Variants in RAB3C observed in about 807,000 individuals in gnomAD.
RAB3C encodes ras-related protein Rab-3C.
In RAB3C, 17 loss-of-function variants were observed where a neutral mutation model predicts 26.4. The observed-to-expected ratio is 0.64, with a 90% confidence interval of 0.44 to 0.97. RAB3C has a LOEUF of 0.97. Ranked by LOEUF, RAB3C falls within the 50% of genes least tolerant of loss-of-function variation. The pLI, the probability that RAB3C is intolerant of heterozygous loss-of-function variation, is 0.00. For synonymous variants in RAB3C, 91 were observed against 95.9 expected, an observed-to-expected ratio of 0.95 and a Z score of 0.30; for missense variants, 242 against 281.9, an observed-to-expected ratio of 0.86 and a Z score of 1.01.
chr5:58,846,480 G>A (rs1744007850), intron 4 of RAB3C, among the ~76,000 whole-genome samples: 1 of 152,152 alleles, frequency 6.6e-6, no homozygotes, highest in South Asian at 2.1e-4. Context: ...CCCAGGCTCA[G>A]TGGTCCTCCC....
intron 2 of RAB3C, among the ~76,000 whole-genome samples, chr5:58,650,174 A>G (rs911129993): frequency 1.3e-5 from 2 of 152,182 alleles, no homozygotes; most frequent in African/African-American, 4.8e-5. Context: ...CCTTTTAAAT[A>G]AATAAACATT....
chr5:58,740,379 T>A (rs1325760714), intron 3 of RAB3C, among the ~76,000 whole-genome samples: 1 of 152,196 alleles, frequency 6.6e-6, no homozygotes, highest in Non-Finnish European at 1.5e-5. Context: ...GGCTCTTACG[T>A]CTTCAAAGCA....
chr5:58,619,109 T>A (rs548589065), intron 2 of RAB3C, among the ~76,000 whole-genome samples: 1 of 152,306 alleles, frequency 6.6e-6, no homozygotes, highest in Non-Finnish European at 1.5e-5. Context: ...GAGGCAGGTA[T>A]ATACACAGAC....
Position 58,590,853 on chromosome 5 carries a change from A to G in RAB3C, c.24+7621A>G, listed in dbSNP as rs1000241893. 2.0e-5 allele frequency among the ~76,000 whole-genome samples: 3 copies of G among 152,250 alleles called. No homozygotes were observed. The East Asian group carries it at 5.8e-4, about 29-fold the overall frequency. On this transcript the variant is annotated intron_variant, in intron 1 of 4. Coordinates refer to ENST00000282878, the MANE Select transcript of RAB3C (RefSeq NM_138453.4). ...AGCCACTGTGCCTGTCAGGTCACTG[A>G]TTTTAAATATTTCTTTTCTGCTAAT...
chr5:58,831,249 T>C (rs1204834933), intron 4 of RAB3C, among the ~76,000 whole-genome samples: 1 of 152,206 alleles, frequency 6.6e-6, no homozygotes, highest in Middle Eastern at 3.2e-3. Context: ...CATATGTAGC[T>C]GGTAAACCTA....
rs1743412116 is a variant in RAB3C at position 58,823,960 on chromosome 5, G to A, written c.372-1078G>A. ...CTCATTGTTCAATTCCCACCTGTGA[G>A]TGAGAACATGCGGTGTTTGGTTTTT... On this transcript the variant is annotated intron_variant, in intron 3 of 4. Transcript: ENST00000282878. 2.0e-5 allele frequency among the ~76,000 whole-genome samples: 3 copies of A among 147,756 alleles called. No homozygotes were observed. In the South Asian group the frequency reaches 6.4e-4, roughly 32 times the overall value.
In RAB3C at chr5:58,615,905, A is replaced by G. The variant is rs529366061; in HGVS notation, c.25-1738A>G. On this transcript the variant is annotated intron_variant, in intron 1 of 4. Coordinates refer to ENST00000282878, the MANE Select transcript of RAB3C (RefSeq NM_138453.4). ...TATCTTGCTGGCATTAAGTATTTGT[A>G]GAAGAGAAATACACAATCTCACCAT... Among the ~76,000 whole-genome samples, 5 of 152,152 alleles carry G rather than the reference A, an allele frequency of 3.3e-5. No homozygotes were observed. In the South Asian group the frequency reaches 1.0e-3, roughly 32 times the overall value.
intron 1 of RAB3C, among the ~76,000 whole-genome samples, chr5:58,593,815 C>G (rs1028078254): frequency 2.6e-5 from 4 of 152,148 alleles, no homozygotes; most frequent in African/African-American, 9.7e-5. Flanking sequence ...TATTCTAGGT[C>G]TTCAGTCCTC....
At chr5:58,729,621 A>G (rs72760302) in intron 3 of RAB3C, among the ~76,000 whole-genome samples, 18,625 of 149,002 alleles carry the variant, frequency 0.12, 1,514 homozygotes, top group Non-Finnish European at 0.18. Context: ...TAAAATATAC[A>G]TTATATATAA....
chr5:58,762,670 G>A (rs1054115015), intron 3 of RAB3C, among the ~76,000 whole-genome samples: 45 of 152,230 alleles, frequency 3.0e-4, no homozygotes, highest in African/African-American at 1.0e-3. Context: ...CAGCCTGGGC[G>A]ACAAGAGTGA....
At chr5:58,817,003 A>G (rs1035222957) in intron 3 of RAB3C, 2 of 152,206 alleles carry the variant, frequency 1.3e-5, no homozygotes, top group African/African-American at 2.4e-5. Context: ...GCTCTTCCCA[A>G]GATGAAGAAT....
At chr5:58,755,625 G>A (rs1579901080) in intron 3 of RAB3C, among the ~76,000 whole-genome samples, 1 of 152,324 alleles carries the variant, frequency 6.6e-6, no homozygotes, top group African/African-American at 2.4e-5. Context: ...AATGGCTGCT[G>A]CCAGGGCTTG....
intron 3 of RAB3C, among the ~76,000 whole-genome samples, chr5:58,790,671 T>C (rs1742504461): frequency 6.6e-6 from 1 of 152,186 alleles, no homozygotes; most frequent in Non-Finnish European, 1.5e-5. Context: ...GCAAGGGTAT[T>C]GCACTTTTTC....
chr5:58,644,099 C>T (rs750210422), intron 2 of RAB3C, among the ~76,000 whole-genome samples: 8 of 152,140 alleles, frequency 5.3e-5, no homozygotes, highest in Non-Finnish European at 1.2e-4. Context: ...GAATTACAGG[C>T]GTGAACCACT....
chr5:58,690,020 A>G (rs895063943), intron 2 of RAB3C, among the ~76,000 whole-genome samples: 1 of 152,122 alleles, frequency 6.6e-6, no homozygotes, highest in Non-Finnish European at 1.5e-5. Flanking sequence ...ATTTATACCT[A>G]GAGTTATGCA....
rs1747898676 is a variant in RAB3C, at chr5:58,661,167, A to G, written c.252+43297A>G. On this transcript the variant is annotated intron_variant, in intron 2 of 4. Coordinates refer to ENST00000282878, the MANE Select transcript of RAB3C (RefSeq NM_138453.4). ...GGATATTCATTATGTGAAAAAAAAG[A>G]AACTAGAATATATCTTAAAGTATAG... 3.3e-5 allele frequency among the ~76,000 whole-genome samples: 5 copies of G among 150,444 alleles called. No individual in the cohort carries two copies. In the South Asian group the frequency reaches 1.0e-3, roughly 31 times the overall value.
At chr5:58,641,109 C>G (rs191074951) in intron 2 of RAB3C, among the ~76,000 whole-genome samples, 8 of 152,148 alleles carry the variant, frequency 5.3e-5, no homozygotes, top group African/African-American at 1.9e-4. Context: ...ATAATAAGAT[C>G]TGGTGTGCTC....
At chr5:58,637,276 C>A (rs1157753128) in intron 2 of RAB3C, among the ~76,000 whole-genome samples, 2 of 152,060 alleles carry the variant, frequency 1.3e-5, no homozygotes, top group African/African-American at 2.4e-5. Context: ...GTTGAACATT[C>A]AAGCTGTATT....
chr5:58,789,980 T>A lies in RAB3C; in HGVS notation c.372-35058T>A, dbSNP rs373884886. Among the ~76,000 whole-genome samples, 50 of 152,324 alleles carry A rather than the reference T, an allele frequency of 3.3e-4. No individual in the cohort carries two copies. In the South Asian group the frequency reaches 8.9e-3, roughly 27 times the overall value. ...AGCTTCTGATTAAATTGGTCTGAGA[T>A]GTGGCTTGGACATTATGGGTTTTAA... On this transcript the variant is annotated intron_variant, in intron 3 of 4. Coordinates refer to ENST00000282878, the MANE Select transcript of RAB3C (RefSeq NM_138453.4).
Sources: allele counts gnomAD v4.1 joint callset (sites outside exome capture counted in the v4.1 genomes callset), GRCh38; gene constraint gnomAD v4.1.1; transcripts MANE v1.5; gene names NCBI Gene and HGNC (gene_info 2026-07-23, HGNC 2026-07-21).